The following UVSSA variants were observed in gnomAD, a reference collection of about 807,000 sequenced individuals.
The protein encoded by UVSSA is UV-stimulated scaffold protein A.
A neutral mutation model predicts 73.9 loss-of-function variants in UVSSA; 72 were observed. The observed-to-expected ratio is 0.97, with a 90% CI of 0.81 to 1.19. The LOEUF is 1.19. Ranked by LOEUF, UVSSA falls within the 50% of genes most tolerant of loss-of-function variation. UVSSA has a pLI of 0.00. For missense variants in UVSSA, 1,150 were observed against 965.0 expected (o/e 1.19, Z -2.54); for synonymous variants, 454 against 391.3 (o/e 1.16, Z -1.89).
rs757403639 is a variant in UVSSA, at chr4:1,355,171, A to G, written c.1102A>G (p.Lys368Glu). The change falls in exon 7 of 14, where the codon AAG (lysine) becomes GAG (glutamate). Residue 368 changes from lysine to glutamate, a missense_variant. Coordinates refer to ENST00000389851, the MANE Select transcript of UVSSA (RefSeq NM_020894.4). Reference protein sequence around the residue: ...GGCLKRAIDLKAELELVLRKY... With the variant: ...GGCLKRAIDLEAELELVLRKY... ...ATGTTTAAAGCGTGCCATTGACCTG[A>G]AGGCTGAATTGGAGCTCGTACTGAG... 1 of 1,613,740 alleles carries G rather than the reference A, an allele frequency of 6.2e-7. No individual in the cohort carries two copies. Among genetic ancestry groups the G allele is most frequent in the Non-Finnish European group, 8.5e-7 (1 of 1,179,910 alleles).
chr4:1,375,592 C>G, intron 9 of UVSSA, 84 bp downstream of exon 9: 1 of 1,527,810 alleles, frequency 6.5e-7, no homozygotes, highest in Non-Finnish European at 8.8e-7. Context: ...CCTCGAGAGG[C>G]TGCTTAGTGC....
chr4:1,350,244 C>T (rs752180273), intron 3 of UVSSA, among the ~76,000 whole-genome samples: 20 of 152,206 alleles, frequency 1.3e-4, no homozygotes, highest in Non-Finnish European at 2.6e-4. Context: ...AGGCTCCACC[C>T]GCACCCTACT....
chr4:1,377,044 A>G (rs1036698832), intron 10 of UVSSA, among the ~76,000 whole-genome samples: 1 of 152,206 alleles, frequency 6.6e-6, no homozygotes, highest in Non-Finnish European at 1.5e-5. Flanking sequence ...CAAACACCGT[A>G]ACCACTAAAG....
intron 7 of UVSSA, 89 bp downstream of exon 7, chr4:1,355,334 G>T: frequency 7.4e-7 from 1 of 1,350,526 alleles, no homozygotes; most frequent in East Asian, 2.5e-5. Flanking sequence ...TGGGCCTGTG[G>T]GCCCGGCGGA....
At chr4:1,367,650 G>A (rs1009829506) in intron 8 of UVSSA, among the ~76,000 whole-genome samples, 3 of 152,090 alleles carry the variant, frequency 2.0e-5, no homozygotes, top group African/African-American at 7.2e-5. Flanking sequence ...TCAGACACCT[G>A]GAGCCAGCCG....
Position 1,349,425 on chromosome 4 carries a change from T to A in UVSSA, c.99-99T>A. 3.5e-6 allele frequency: 4 copies of A among 1,157,348 alleles called. No individual in the cohort carries two copies. In the East Asian group the frequency reaches 9.9e-5, roughly 29 times the overall value. 71.7% of individuals were successfully genotyped at this position (1,157,348 alleles called of 1,614,324 possible). Reference sequence around the variant, plus strand: ...AATGAAGATGGGAAGGCAGTGGTGGTCCCTGCCACACGTGCGTGCGGCATC... The same window carrying A: ...AATGAAGATGGGAAGGCAGTGGTGGACCCTGCCACACGTGCGTGCGGCATC... On this transcript the variant is annotated intron_variant, in intron 2 of 13. Coordinates refer to ENST00000389851, the MANE Select transcript of UVSSA (RefSeq NM_020894.4).
Position 1,387,375 on chromosome 4 carries a change from T to G in UVSSA, c.*1414T>G, listed in dbSNP as rs1720214236. The G allele has an allele frequency of 6.6e-6, 1 of 152,228 alleles. No individual in the cohort carries two copies. The highest frequency in any genetic ancestry group is 1.5e-5 in the Non-Finnish European group (1 of 68,040). The allele number at this position is 152,228 out of a possible 1,614,324, so 9.4% of individuals were successfully genotyped here. A position where few individuals can be genotyped will look rare whatever the true frequency, so the allele number is the denominator to read the frequency against. ...ACAGGTGTGAGCCACCGCACTCAGC[T>G]GATTTGCAAAAACTTTCTTCCATAC... On this transcript the variant is annotated 3_prime_UTR_variant, in exon 14 of 14. Transcript: ENST00000389851.
chr4:1,355,643 G>T (rs1311958154), intron 7 of UVSSA, among the ~76,000 whole-genome samples: 1 of 152,226 alleles, frequency 6.6e-6, no homozygotes, highest in Non-Finnish European at 1.5e-5. Flanking sequence ...CAGACGGCCA[G>T]GAGGGTCAGC....
chr4:1,352,963 G>C, intron 4 of UVSSA, 67 bp from the exon 5 acceptor site: 2 of 1,544,012 alleles, frequency 1.3e-6, no homozygotes, highest in East Asian at 2.3e-5. Flanking sequence ...CTCTGAGTGT[G>C]GTTTTGAGTG....
intron 13 of UVSSA, chr4:1,384,871 G>A (rs568944700): frequency 6.6e-6 from 1 of 152,182 alleles, no homozygotes; most frequent in Admixed American, 6.5e-5. Flanking sequence ...CTTCCCCCAG[G>A]CTTGTGGGTG....
At chr4:1,348,733 G>A (rs2293630) in intron 2 of UVSSA, among the ~76,000 whole-genome samples, 96,545 of 152,046 alleles carry the variant, frequency 0.63, 31,825 homozygotes, top group African/African-American at 0.81. Context: ...TAAAATGGCA[G>A]TTTATAGATT....
downstream of UVSSA, chr4:1,388,266 A>C (rs544761510): frequency 6.6e-6 from 1 of 152,226 alleles, no homozygotes; most frequent in African/African-American, 2.4e-5. Flanking sequence ...TTGTTTTCCA[A>C]ATTTCACTTT....
chr4:1,355,357 C>A, intron 7 of UVSSA, 112 bp downstream of exon 7: 1 of 1,087,592 alleles, frequency 9.2e-7, no homozygotes, highest in East Asian at 2.6e-5. Context: ...CCAGCCACAC[C>A]CCAAGCCCAC....
At chr4:1,392,491 G>A (rs1720431616), downstream of UVSSA, 1 of 152,130 alleles carries the variant, frequency 6.6e-6, no homozygotes. Flanking sequence ...CTTTGTTTTT[G>A]TTTATCTGAG....
chr4:1,349,790 A>G lies in UVSSA; in HGVS notation c.365A>G (p.Glu122Gly). 1.2e-6 allele frequency: 2 copies of G among 1,600,634 alleles called. No homozygotes were observed. Among genetic ancestry groups the G allele is most frequent in the Non-Finnish European group, 8.5e-7 (1 of 1,171,984 alleles). The change falls in exon 3 of 14, where the codon GAG (glutamate) becomes GGG (glycine). Residue 122 changes from glutamate to glycine, a missense_variant. Glu to Gly is a moderately conservative substitution (Grantham distance 98, BLOSUM62 -2). Coordinates refer to ENST00000389851, the MANE Select transcript of UVSSA (RefSeq NM_020894.4). ...ATTRAVEGWN[E>G]KFGEAYKKLA... Reference sequence around the variant, plus strand: ...ACCCGGGCCGTGGAAGGGTGGAATGAGAAGTTTGGGGAGGCCTACAAGAAG... The same window carrying G: ...ACCCGGGCCGTGGAAGGGTGGAATGGGAAGTTTGGGGAGGCCTACAAGAAG...
rs1577275432 is a variant in UVSSA, at chr4:1,349,517, T to C, written c.99-7T>C. 1.9e-6 allele frequency: 3 copies of C among 1,610,328 alleles called. No individual in the cohort carries two copies. Among genetic ancestry groups the C allele is most frequent in the Non-Finnish European group, 2.5e-6 (3 of 1,177,972 alleles). On this transcript the variant is annotated splice_region_variant and splice_polypyrimidine_tract_variant and intron_variant, in intron 2 of 13. Transcript: ENST00000389851. ...GGCAGTTGGGTCAGGCCAGCTCGCA[T>C]CCCCAGGTCTTCAGAGGAGCAGCTG...
intron 8 of UVSSA, among the ~76,000 whole-genome samples, chr4:1,370,261 G>A (rs1266987306): frequency 6.6e-6 from 1 of 152,192 alleles, no homozygotes. Context: ...GCATGTGCGT[G>A]TGTGCGTGTG....
chr4:1,349,495 A>T, intron 2 of UVSSA, 29 bp from the exon 3 acceptor site: 1 of 1,600,422 alleles, frequency 6.2e-7, no homozygotes, highest in Non-Finnish European at 8.5e-7. Context: ...CGTGTGGGGC[A>T]GTTGGGTCAG....
chr4:1,387,088 T>G lies in UVSSA; in HGVS notation c.*1127T>G, dbSNP rs1239474180. ...TGCAAAAACTTTATTTATTTATTTA[T>G]TTATTTTTGAAATGGAATCTTGCTC... On this transcript the variant is annotated 3_prime_UTR_variant, in exon 14 of 14. Coordinates refer to ENST00000389851, the MANE Select transcript of UVSSA (RefSeq NM_020894.4). 2 of 151,764 alleles carry G rather than the reference T, an allele frequency of 1.3e-5. No homozygotes were observed. The highest frequency in any genetic ancestry group is 2.9e-5 in the Non-Finnish European group (2 of 67,996). The allele number at this position is 151,764 out of a possible 1,614,324, so 9.4% of individuals were successfully genotyped here.
Sources: allele counts gnomAD v4.1 joint callset (sites outside exome capture counted in the v4.1 genomes callset), GRCh38; gene constraint gnomAD v4.1.1; transcripts MANE v1.5; gene names NCBI Gene and HGNC (gene_info 2026-07-23, HGNC 2026-07-21).